The following ABCG5 variants were observed in gnomAD, a reference collection of about 807,000 sequenced individuals.
ABCG5 encodes the protein ATP-binding cassette sub-family G member 5.
ABCG5 carries 64 observed loss-of-function variants against 64.5 expected under a neutral mutation model. That is an observed-to-expected ratio of 0.99 (90% CI 0.81 to 1.22). The LOEUF is 1.22. Among genes scored for constraint, ABCG5 ranks in the 50% most tolerant of loss-of-function variants. The pLI is 0.00. For missense variants in ABCG5, 908 were observed against 829.5 expected (o/e 1.09, Z -1.16); for synonymous variants, 385 against 326.3 (o/e 1.18, Z -1.94).
In ABCG5 at chr2:43,838,323, C is replaced by T; in HGVS notation, c.143+214G>A. ...GGGCACTGCTGCCACTTTGTTTATG[C>T]CCAGGCCCTTCCCTGGGCAGGGGGA... On this transcript the variant is annotated intron_variant, in intron 1 of 12. Transcript: ENST00000405322. The surrounding 1 kb of genome is among the most constrained non-coding windows in gnomAD (Gnocchi z 4.2). 1.6e-6 allele frequency: 1 copy of T among 617,124 alleles called. No homozygotes were observed. The highest frequency in any genetic ancestry group is 2.8e-6 in the Non-Finnish European group (1 of 353,416). 38.2% of individuals were successfully genotyped at this position (617,124 alleles called of 1,614,324 possible).
rs1344704197 is a variant in ABCG5, at chr2:43,823,964, G to A, written c.1273C>T (p.Gln425Ter). 5 of 1,614,064 alleles carry A rather than the reference G, an allele frequency of 3.1e-6. No individual in the cohort carries two copies. The highest frequency in any genetic ancestry group is 4.2e-6 in the Non-Finnish European group (5 of 1,180,048). The change falls in exon 9 of 13, where the codon CAG (glutamine) becomes TAG (stop). Residue 425 changes from glutamine (Q) to a stop codon, truncating the protein, a stop_gained. Transcript: ENST00000405322. LOFTEE classifies it high-confidence loss of function. ...GTGTACGGGGTGGCGCCCACAAACT[G>A]GTAAAGGAGACCTACGCGGTCCTGG... ...AIQDRVGLLY[Q>*]FVGATPYTGM...
At chr2:43,807,878 C>A (rs1221024215), downstream of ABCG5, among the ~76,000 whole-genome samples, 1 of 151,494 alleles carries the variant, frequency 6.6e-6, no homozygotes, top group African/African-American at 2.4e-5. Flanking sequence ...TATTTTGAGG[C>A]CGTATCATTG....
intron 5 of ABCG5, 81 bp downstream of exon 5, chr2:43,827,902 G>T: frequency 6.3e-7 from 1 of 1,589,770 alleles, no homozygotes; most frequent in Non-Finnish European, 8.6e-7. Context: ...AATGAGGACC[G>T]TGAAGAAAGG....
intron 4 of ABCG5, 142 bp from the exon 5 acceptor site, chr2:43,828,257 G>T: frequency 1.9e-6 from 2 of 1,067,598 alleles, no homozygotes; most frequent in African/African-American, 1.6e-5. Context: ...CCTGGGGAAA[G>T]CATGTCTTTG....
At chr2:43,829,392 G>T (rs1318512878) in intron 4 of ABCG5, among the ~76,000 whole-genome samples, 1 of 152,004 alleles carries the variant, frequency 6.6e-6, no homozygotes, top group South Asian at 2.1e-4. Context: ...CTTTAATGGG[G>T]ACCCAATTTA....
downstream of ABCG5, among the ~76,000 whole-genome samples, chr2:43,807,743 CAAAAAAAAAA>C (rs536977133): frequency 2.4e-4 from 10 of 41,630 alleles, no homozygotes; most frequent in South Asian, 1.6e-3. Context: ...TTTGTTAAAG[CAAAAAAAAAA>C]AAAAAAAAAA....
intron 10 of ABCG5, 105 bp downstream of exon 10, chr2:43,822,692 T>C (rs2104803944): frequency 6.3e-7 from 1 of 1,579,750 alleles, no homozygotes; most frequent in Non-Finnish European, 8.6e-7. Flanking sequence ...AAAGTGTAGA[T>C]CCTCCAGAGC....
intron 11 of ABCG5, among the ~76,000 whole-genome samples, chr2:43,816,592 G>A (rs1255945331): frequency 6.6e-6 from 1 of 152,154 alleles, no homozygotes; most frequent in Non-Finnish European, 1.5e-5. Context: ...CACCTAGGCT[G>A]GAGTGCAGTG....
chr2:43,822,358 C>T, intron 10 of ABCG5: 1 of 214,660 alleles, frequency 4.7e-6, no homozygotes, highest in Non-Finnish European at 8.0e-6. Flanking sequence ...CCCAATCCTG[C>T]TTCTCTTTCT....
downstream of ABCG5, chr2:43,809,892 G>T: frequency 1.4e-6 from 2 of 1,423,380 alleles, no homozygotes; most frequent in East Asian, 2.7e-5. Context: ...AGGACAAGCT[G>T]GATTTCTTGG....
chr2:43,826,585 C>CA (rs1409928873), intron 5 of ABCG5, 64 bp from the exon 6 acceptor site: 88 of 1,610,538 alleles, frequency 5.5e-5, no homozygotes, highest in Admixed American at 4.7e-4. Context: ...GCTTAAAACT[C>CA]AGAGTTCTGA....
chr2:43,822,777 T>G lies in ABCG5; in HGVS notation c.1463+20A>C, dbSNP rs904295231. The G allele has an allele frequency of 6.2e-7, 1 of 1,613,958 alleles. No homozygotes were observed. The highest frequency in any genetic ancestry group is 8.5e-7 in the Non-Finnish European group (1 of 1,179,938). Reference sequence around the variant, plus strand: ...GACTCCATGGGAGCCCGGCCCTGGGTGAACTGAACAACCCCTCACCAGTAG... The same window carrying G: ...GACTCCATGGGAGCCCGGCCCTGGGGGAACTGAACAACCCCTCACCAGTAG... On this transcript the variant is annotated intron_variant, in intron 10 of 12. Transcript: ENST00000405322.
downstream of ABCG5, among the ~76,000 whole-genome samples, chr2:43,808,355 GGTATGAAA>G (rs1666347069): frequency 6.6e-6 from 1 of 151,880 alleles, no homozygotes; most frequent in South Asian, 2.1e-4. Flanking sequence ...TTAGGGTATA[GGTATGAAA>G]GGTACGCTCT....
At chr2:43,810,814 A>T (rs1160927187), downstream of ABCG5, among the ~76,000 whole-genome samples, 1 of 152,184 alleles carries the variant, frequency 6.6e-6, no homozygotes, top group African/African-American at 2.4e-5. Context: ...AATCCCTTTA[A>T]ATTTACAGTG....
intron 7 of ABCG5, 114 bp from the exon 8 acceptor site, chr2:43,824,546 A>G (rs545795625): frequency 6.3e-7 from 1 of 1,588,152 alleles, no homozygotes; most frequent in East Asian, 2.2e-5. Context: ...TCAAGATAAA[A>G]TTTGTGGTTA....
downstream of ABCG5, among the ~76,000 whole-genome samples, chr2:43,811,933 T>C (rs1666499704): frequency 6.6e-6 from 1 of 152,218 alleles, no homozygotes; most frequent in South Asian, 2.1e-4. Context: ...TATTTTATCC[T>C]TGAAAATATG....
Position 43,820,049 on chromosome 2 carries a change from A to G in ABCG5, c.1515T>C (p.Ala505=). ...EVARFGYFSA[A]LLAPHLIGEF... is the part of the protein sequence containing the mutation. ...CACCAATTAAGTGGGGGGCCAAGAG[A>G]GCAGCAGAAAAATATCCAAATCGGG... Residue 505 remains alanine, a synonymous_variant, in exon 11 of 13, where the codon GCT becomes GCC. Transcript: ENST00000405322. 1 of 1,614,176 alleles carries G rather than the reference A, an allele frequency of 6.2e-7. No individual in the cohort carries two copies. Among genetic ancestry groups the G allele is most frequent in the Non-Finnish European group, 8.5e-7 (1 of 1,180,040 alleles).
downstream of ABCG5, chr2:43,810,563 T>A: frequency 1.0e-6 from 1 of 959,866 alleles, no homozygotes; most frequent in Non-Finnish European, 1.2e-6. Flanking sequence ...ATTTATTCTA[T>A]GTTCTTCCAT....
chr2:43,839,052 C>T, upstream of ABCG5: 2 of 1,550,972 alleles, frequency 1.3e-6, no homozygotes, highest in East Asian at 2.4e-5. Context: ...CCTGTGGGCC[C>T]CATGGCCGGG....
Sources: gnomAD v4.1 joint callset for allele counts (sites outside exome capture counted in the v4.1 genomes callset) on GRCh38, gnomAD v4.1.1 for gene constraint, Gnocchi (gnomAD v3.1) non-coding constraint, MANE v1.5 for transcripts, NCBI Gene and HGNC (gene_info 2026-07-23, HGNC 2026-07-21) for gene names.